SLC14A2: variants seen among roughly 807,000 people sequenced by gnomAD.
SLC14A2 encodes urea transporter 2.
A neutral mutation model predicts 104.6 loss-of-function variants in SLC14A2; 91 were observed. The observed-to-expected ratio is 0.87, with a 90% confidence interval of 0.73 to 1.04. The LOEUF (loss-of-function observed/expected upper bound fraction) is 1.04, where lower values mean the gene tolerates loss of function less well. SLC14A2 is among the 50% of genes least tolerant of loss of function. The probability of loss-of-function intolerance (pLI) is 0.00; values close to 1 mark genes in which losing one functional copy is unlikely to be tolerated. For missense variants in SLC14A2, 1,189 were observed against 1,156.0 expected (o/e 1.03, Z -0.41); for synonymous variants, 476 against 466.4 (o/e 1.02, Z -0.27).
At chr18:45,432,805 C>T (rs568480509) in intron 1 of SLC14A2, among the ~76,000 whole-genome samples, 11 of 152,236 alleles carry the variant, frequency 7.2e-5, no homozygotes, top group African/African-American at 2.6e-4. Flanking sequence ...TAGACATAGC[C>T]TCAGTCACCA....
In SLC14A2 at chr18:45,673,825, C is replaced by T; in HGVS notation, c.2512+8C>T. The T allele has an allele frequency of 1.2e-6, 2 of 1,613,340 alleles. No individual in the cohort carries two copies. The highest frequency in any genetic ancestry group is 1.7e-6 in the Non-Finnish European group (2 of 1,179,290). ...TCCTCGCCATCGCCTGCGGTAGGTA[C>T]TCCCCACAGAGGATTTGTTTCCTTT... On this transcript the variant is annotated splice_region_variant and intron_variant, in intron 18 of 19. Transcript: ENST00000255226.
intron 1 of SLC14A2, among the ~76,000 whole-genome samples, chr18:45,355,597 A>AAAAG (rs1384595893): frequency 6.6e-6 from 1 of 151,532 alleles, no homozygotes; most frequent in African/African-American, 2.4e-5. Flanking sequence ...AAAAAAAAAA[A>AAAAG]AAACCCTGAT....
intron 2 of SLC14A2, among the ~76,000 whole-genome samples, chr18:45,500,532 G>C (rs946477203): frequency 1.0e-4 from 15 of 143,788 alleles, no homozygotes; most frequent in East Asian, 2.1e-4. Flanking sequence ...AGCCGAGATC[G>C]CGCCACTGCA....
At chr18:45,382,446 G>A (rs954211947) in intron 1 of SLC14A2, among the ~76,000 whole-genome samples, 1 of 152,098 alleles carries the variant, frequency 6.6e-6, no homozygotes, top group African/African-American at 2.4e-5. Flanking sequence ...TGCAAAATAG[G>A]CCTGTATGTT....
In SLC14A2 at chr18:45,335,979, G is replaced by A. The variant is rs117500086; in HGVS notation, c.-125+122788G>A. ...TAACGAGGAGAAAATGGCTTAATCT[G>A]TGTTTTGGCCTCCTTCTCGCCAAGC... On this transcript the variant is annotated intron_variant, in intron 1 of 20. Coordinates refer to the SLC14A2 transcript ENST00000586448. Among the ~76,000 whole-genome samples, 1,394 of 152,278 alleles carry A rather than the reference G, an allele frequency of 9.2e-3. 32 individuals are homozygous for A. Among genetic ancestry groups the A allele is most frequent in the East Asian group, 0.064 (333 of 5,172 alleles).
chr18:45,192,646 T>TGTTTTGTTTC, the SLC14A2 span, among the ~76,000 whole-genome samples: 1 of 147,656 alleles, frequency 6.8e-6, no homozygotes, highest in Non-Finnish European at 1.5e-5. Flanking sequence ...GGTTTTTTTT[T>TGTTTTGTTTC]GTTTTGTTTT....
intron 1 of SLC14A2, among the ~76,000 whole-genome samples, chr18:45,284,421 G>A (rs1325366632): frequency 2.6e-5 from 4 of 152,074 alleles, no homozygotes; most frequent in African/African-American, 7.2e-5. Context: ...TCTGTGTTTG[G>A]CAATGTTTTG....
intron 2 of SLC14A2, 115 bp downstream of exon 2, chr18:45,624,929 C>T: frequency 9.4e-7 from 1 of 1,062,272 alleles, no homozygotes; most frequent in Non-Finnish European, 1.4e-6. Flanking sequence ...GGAAGTGCCA[C>T]TGTCAGTACA....
intron 2 of SLC14A2, among the ~76,000 whole-genome samples, chr18:45,585,307 C>T (rs1196067322): frequency 6.6e-6 from 1 of 152,132 alleles, no homozygotes; most frequent in Non-Finnish European, 1.5e-5. Flanking sequence ...CAGTTATCAC[C>T]TCCCTAGCAT....
At chr18:45,476,493 A>G (rs2612555) in intron 1 of SLC14A2, among the ~76,000 whole-genome samples, 31,535 of 151,892 alleles carry the variant, frequency 0.21, 3,726 homozygotes, top group Non-Finnish European at 0.27. Flanking sequence ...TCTTTGTGGC[A>G]TTTTCAGTAT....
chr18:45,187,128 C>T, the SLC14A2 span, among the ~76,000 whole-genome samples: 426 of 152,248 alleles, frequency 2.8e-3, 5 homozygotes, highest in African/African-American at 9.6e-3. Context: ...CAGGAATATT[C>T]TGCATTTCCT....
chr18:45,473,922 G>A (rs928779656), intron 1 of SLC14A2, among the ~76,000 whole-genome samples: 2 of 152,194 alleles, frequency 1.3e-5, no homozygotes, highest in Non-Finnish European at 2.9e-5. Flanking sequence ...ATGTTGAATA[G>A]GAGTGGTAAG....
rs148467209 is a variant in SLC14A2 at position 45,582,834 on chromosome 18, A to AC, written c.-34-41791dup. ...ACCCCTGGGAATTTCAAAGTTACCC[A>AC]CCCCCCTTAGGAACACTCCAGATGA... On this transcript the variant is annotated intron_variant, in intron 2 of 20. Transcript: ENST00000586448. 4.0e-4 allele frequency among the ~76,000 whole-genome samples: 61 copies of AC among 151,648 alleles called. No homozygotes were observed. In the East Asian group the frequency reaches 9.7e-3, roughly 24 times the overall value.
At chr18:45,633,172 T>C (rs981176887) in intron 5 of SLC14A2, among the ~76,000 whole-genome samples, 1 of 152,240 alleles carries the variant, frequency 6.6e-6, no homozygotes, top group Admixed American at 6.5e-5. Context: ...GACCAAGGCA[T>C]GCAGAGATTA....
chr18:45,249,962 A>C (rs1282062603), intron 1 of SLC14A2, among the ~76,000 whole-genome samples: 2 of 152,178 alleles, frequency 1.3e-5, no homozygotes, highest in African/African-American at 4.8e-5. Context: ...AAAGAAAAAA[A>C]AAATGTTGAA....
chr18:45,499,622 C>T (rs1204324726), intron 2 of SLC14A2, among the ~76,000 whole-genome samples: 4 of 152,154 alleles, frequency 2.6e-5, no homozygotes, highest in Admixed American at 6.5e-5. Context: ...TTGCAAACTT[C>T]TAAGTATTAC....
chr18:45,632,558 C>T, intron 5 of SLC14A2, 80 bp downstream of exon 5: 1 of 1,501,342 alleles, frequency 6.7e-7, no homozygotes, highest in South Asian at 1.3e-5. Context: ...AGAGACAGGA[C>T]ATACACATGT....
chr18:45,623,031 AG>A (rs1332814893), intron 1 of SLC14A2, among the ~76,000 whole-genome samples: 1 of 152,060 alleles, frequency 6.6e-6, no homozygotes, highest in Non-Finnish European at 1.5e-5. Context: ...AGCATGAGGG[AG>A]GGAGACAGGT....
At chr18:45,192,273 C>T in the SLC14A2 span, among the ~76,000 whole-genome samples, 1 of 152,136 alleles carries the variant, frequency 6.6e-6, no homozygotes, top group Non-Finnish European at 1.5e-5. Flanking sequence ...GCCTAATTGA[C>T]ATATTACAAA....
Sources: allele counts gnomAD v4.1 joint callset (sites outside exome capture counted in the v4.1 genomes callset), GRCh38; gene constraint gnomAD v4.1.1; transcripts MANE v1.5; gene names NCBI Gene and HGNC (gene_info 2026-07-23, HGNC 2026-07-21).